SPIRE1: variants seen among roughly 807,000 people sequenced by gnomAD.
The protein encoded by SPIRE1 is protein spire homolog 1.
In SPIRE1, 40 loss-of-function variants were observed where a neutral mutation model predicts 94.1. The ratio of observed to expected loss-of-function variants is 0.43; its 90% CI spans 0.33 to 0.55. The LOEUF is 0.55. Ranked by LOEUF, SPIRE1 falls within the 20% of genes least tolerant of loss-of-function variation. The pLI is 0.06. For missense variants in SPIRE1, 838 were observed against 975.2 expected (o/e 0.86, Z 1.87); for synonymous variants, 376 against 371.7 (o/e 1.01, Z -0.13).
At chr18:12,495,311 A>C (rs1043151905) in intron 7 of SPIRE1, among the ~76,000 whole-genome samples, 1 of 152,206 alleles carries the variant, frequency 6.6e-6, no homozygotes, top group Non-Finnish European at 1.5e-5. Flanking sequence ...TGCTAGAAAG[A>C]ACTCTGTTAA....
Position 12,535,772 on chromosome 18 carries a change from T to C in SPIRE1, c.604-171A>G, listed in dbSNP as rs557306475. 2.0e-5 allele frequency among the ~76,000 whole-genome samples: 3 copies of C among 152,248 alleles called. No homozygotes were observed. The East Asian group carries it at 5.8e-4, about 29-fold the overall frequency. The stretch of plus-strand genomic sequence containing the variant: ...GAGTTCAAGACCAGCCTGACCAACA[T>C]GGTGAAACCCTGTCTCTACTAAAAA... On this transcript the variant is annotated intron_variant, in intron 3 of 16. Transcript: ENST00000409402.
chr18:12,464,808 G>C, intron 11 of SPIRE1, 60 bp downstream of exon 11: 1 of 1,424,226 alleles, frequency 7.0e-7, no homozygotes. Context: ...CTCTGCTCTA[G>C]GTCAAGTGTG....
At chr18:12,573,326 T>C (rs2036005505) in intron 2 of SPIRE1, among the ~76,000 whole-genome samples, 1 of 151,952 alleles carries the variant, frequency 6.6e-6, no homozygotes, top group Non-Finnish European at 1.5e-5. Context: ...AAAATACTCG[T>C]AACACCAAAT....
At chr18:12,471,534 G>A (rs570276030) in intron 10 of SPIRE1, among the ~76,000 whole-genome samples, 1 of 152,212 alleles carries the variant, frequency 6.6e-6, no homozygotes, top group African/African-American at 2.4e-5. Flanking sequence ...ATGTTGGCCA[G>A]GCTGGTCTTG....
intron 4 of SPIRE1, among the ~76,000 whole-genome samples, chr18:12,530,988 T>C (rs1263324602): frequency 1.3e-5 from 2 of 152,218 alleles, no homozygotes; most frequent in African/African-American, 4.8e-5. Flanking sequence ...ACTGACTTTC[T>C]AGTCTTAAAA....
intron 2 of SPIRE1, among the ~76,000 whole-genome samples, chr18:12,575,536 TG>T (rs2036072836): frequency 6.6e-6 from 1 of 152,152 alleles, no homozygotes; most frequent in South Asian, 2.1e-4. Context: ...TTTGTAGTGA[TG>T]GGGTCTTGCT....
chr18:12,505,560 A>AAC (rs1555616793), intron 6 of SPIRE1, among the ~76,000 whole-genome samples: 1 of 151,020 alleles, frequency 6.6e-6, no homozygotes, highest in African/African-American at 2.4e-5. Flanking sequence ...CTCAAAAAAA[A>AAC]AAAAAAACAA....
chr18:12,579,452 G>C (rs1177973176), intron 2 of SPIRE1, among the ~76,000 whole-genome samples: 3 of 152,164 alleles, frequency 2.0e-5, no homozygotes, highest in Non-Finnish European at 4.4e-5. Context: ...CAGAGAAGCA[G>C]AAAGTAGATT....
Position 12,587,672 on chromosome 18 carries a change from T to G in SPIRE1, c.373-40768A>C, listed in dbSNP as rs114789604. On this transcript the variant is annotated intron_variant, in intron 2 of 16. Coordinates refer to ENST00000409402, the MANE Select transcript of SPIRE1 (RefSeq NM_001128626.2). ...TAACAACTCTACAAGTGACACATAC[T>G]GAGAACTACTGGTCTAACAACTACA... 9.4e-3 allele frequency among the ~76,000 whole-genome samples: 1,426 copies of G among 152,202 alleles called. 29 individuals are homozygous for G. Among genetic ancestry groups the G allele is most frequent in the African/African-American group, 0.032 (1,315 of 41,524 alleles).
At chr18:12,625,583 T>C (rs1428250321) in intron 2 of SPIRE1, among the ~76,000 whole-genome samples, 2 of 152,258 alleles carry the variant, frequency 1.3e-5, no homozygotes, top group East Asian at 1.9e-4. Context: ...TTTAATTAGT[T>C]TGGTATCAAA....
chr18:12,581,739 C>T (rs2036263442), intron 2 of SPIRE1, among the ~76,000 whole-genome samples: 1 of 152,122 alleles, frequency 6.6e-6, no homozygotes, highest in Non-Finnish European at 1.5e-5. Flanking sequence ...TGGCACACAC[C>T]TGTAATCCCA....
At chr18:12,555,187 C>T (rs2035467463) in intron 2 of SPIRE1, among the ~76,000 whole-genome samples, 1 of 152,050 alleles carries the variant, frequency 6.6e-6, no homozygotes, top group South Asian at 2.1e-4. Context: ...CCAATTAAAG[C>T]CTTCTCCCCT....
chr18:12,505,665 G>A (rs551049184), intron 6 of SPIRE1, among the ~76,000 whole-genome samples: 1 of 151,992 alleles, frequency 6.6e-6, no homozygotes, highest in African/African-American at 2.4e-5. Flanking sequence ...TAGATGTTCC[G>A]CATCTAGGAA....
At chr18:12,542,349 G>A (rs1262868923) in intron 3 of SPIRE1, among the ~76,000 whole-genome samples, 4 of 152,102 alleles carry the variant, frequency 2.6e-5, no homozygotes, top group Admixed American at 6.5e-5. Context: ...TTCAGTCCAC[G>A]TCAATTTAGA....
chr18:12,531,100 T>C (rs965944298), intron 4 of SPIRE1, among the ~76,000 whole-genome samples: 2 of 152,188 alleles, frequency 1.3e-5, no homozygotes, highest in Non-Finnish European at 2.9e-5. Context: ...GGGTCTTGCC[T>C]TGTTGGCCAG....
intron 1 of SPIRE1, among the ~76,000 whole-genome samples, chr18:12,642,073 G>A (rs994965315): frequency 2.0e-5 from 3 of 152,004 alleles, no homozygotes; most frequent in Admixed American, 6.6e-5. Flanking sequence ...CTTGTGATCC[G>A]CCCGCCTCAG....
At chr18:12,607,370 A>G (rs1280246987) in intron 2 of SPIRE1, among the ~76,000 whole-genome samples, 1 of 152,168 alleles carries the variant, frequency 6.6e-6, no homozygotes, top group Non-Finnish European at 1.5e-5. Context: ...AAGAGACTCA[A>G]TGTTATGGGA....
At chr18:12,618,207 T>G (rs920004341) in intron 2 of SPIRE1, among the ~76,000 whole-genome samples, 2 of 152,116 alleles carry the variant, frequency 1.3e-5, no homozygotes, top group Non-Finnish European at 2.9e-5. Context: ...GTTCACGCCA[T>G]TCTCCTGCCT....
In SPIRE1 at chr18:12,523,020, T is replaced by C. The variant is rs534984299; in HGVS notation, c.730-10489A>G. Among the ~76,000 whole-genome samples, 20 of 152,284 alleles carry C rather than the reference T, an allele frequency of 1.3e-4. No homozygotes were observed. The South Asian group carries it at 3.1e-3, about 24-fold the overall frequency. On this transcript the variant is annotated intron_variant, in intron 4 of 16. Transcript: ENST00000409402. ...CTGTCATAGACAGTGATTCCTCTGATGGGTTTGGGCAAAGCACATTGAAAA... is the reference window on the plus strand; with the variant it reads ...CTGTCATAGACAGTGATTCCTCTGACGGGTTTGGGCAAAGCACATTGAAAA...
Sources: allele counts gnomAD v4.1 joint callset (sites outside exome capture counted in the v4.1 genomes callset), GRCh38; gene constraint gnomAD v4.1.1; transcripts MANE v1.5; gene names NCBI Gene and HGNC (gene_info 2026-07-23, HGNC 2026-07-21).